ARRDC4: variants seen among roughly 807,000 people sequenced by gnomAD.
The protein encoded by ARRDC4 is arrestin domain containing 4.
In ARRDC4, 40 loss-of-function variants were observed where a neutral mutation model predicts 44.6. The observed-to-expected ratio is 0.90, with a 90% CI of 0.70 to 1.17. ARRDC4 has a LOEUF of 1.17. Ranked by LOEUF, ARRDC4 falls within the 50% of genes most tolerant of loss-of-function variation. The probability of loss-of-function intolerance (pLI) is 0.00; values close to 1 mark genes in which losing one functional copy is unlikely to be tolerated. For missense variants in ARRDC4, 550 were observed against 559.1 expected (o/e 0.98, Z 0.16); for synonymous variants, 211 against 221.2 (o/e 0.95, Z 0.41).
At chr15:97,961,210 G>A (rs764136822) in intron 1 of ARRDC4, 42 bp downstream of exon 1, 13 of 1,360,674 alleles carry the variant, frequency 9.6e-6, no homozygotes, top group Admixed American at 4.0e-5. Flanking sequence ...GCCAGGCTGC[G>A]GGGCCGGGGA....
rs1480867822 is a variant in ARRDC4, at chr15:97,961,069, A to G, written c.208A>G (p.Ser70Gly). 1 of 1,433,108 alleles carries G rather than the reference A, an allele frequency of 7.0e-7. No individual in the cohort carries two copies. Among genetic ancestry groups the G allele is most frequent in the Non-Finnish European group, 9.1e-7 (1 of 1,099,248 alleles). The allele number at this position is 1,433,108 out of a possible 1,614,324, so 88.8% of individuals were successfully genotyped here. ...QGRATAAWGP[S>G]TCPRASASTA... is the part of the protein sequence containing the mutation. Reference sequence around the variant, plus strand: ...GCGCGCCACCGCCGCCTGGGGCCCGAGCACCTGCCCCCGCGCCTCGGCCAG... The same window carrying G: ...GCGCGCCACCGCCGCCTGGGGCCCGGGCACCTGCCCCCGCGCCTCGGCCAG... Residue 70 changes from serine (S) to glycine (G), a missense_variant, in exon 1 of 8, where the codon AGC becomes GGC. Coordinates refer to ENST00000268042, the MANE Select transcript of ARRDC4 (RefSeq NM_183376.3).
Position 97,972,028 on chromosome 15 carries a change from AT to A in ARRDC4, c.*842del, listed in dbSNP as rs1291998126. ...GGAGAGAAAAGGTTGCATCTGCAGG[AT>A]GCCTTGATAACTACACAGTCCCAAA... On this transcript the variant is annotated 3_prime_UTR_variant, in exon 8 of 8. Coordinates refer to ENST00000268042, the MANE Select transcript of ARRDC4 (RefSeq NM_183376.3). This position sits in a 1 kb window ranked among gnomAD's most constrained non-coding sequence, Gnocchi z 5.3. The A allele has an allele frequency of 1.3e-5, 2 of 152,564 alleles. No homozygotes were observed. Among genetic ancestry groups the A allele is most frequent in the Non-Finnish European group, 2.9e-5 (2 of 68,034 alleles). 9.5% of individuals were successfully genotyped at this position (152,564 alleles called of 1,614,324 possible).
In ARRDC4 at chr15:97,961,046, G is replaced by T; in HGVS notation, c.185G>T (p.Arg62Leu). 1 of 1,429,640 alleles carries T rather than the reference G, an allele frequency of 7.0e-7. No individual in the cohort carries two copies. Among genetic ancestry groups the T allele is most frequent in the Non-Finnish European group, 9.1e-7 (1 of 1,096,358 alleles). 88.6% of individuals were successfully genotyped at this position (1,429,640 alleles called of 1,614,324 possible). The change falls in exon 1 of 8, where the codon CGC (arginine) becomes CTC (leucine). Residue 62 changes from arginine to leucine, a missense_variant. Arg to Leu is a moderately radical substitution (Grantham distance 102, BLOSUM62 -2). Transcript: ENST00000268042. ...GCGCTGCGCCTGGAGGCCCAGGGGC[G>T]CGCCACCGCCGCCTGGGGCCCGAGC... ...LRALRLEAQG[R>L]ATAAWGPSTC...
chr15:97,969,511 G>A lies in ARRDC4; in HGVS notation c.882+132G>A. ...CATTAACACCAATTGGGGACTGTAT[G>A]AAGATTGGCCCTTGTTTTTAATAAA... On this transcript the variant is annotated intron_variant, in intron 5 of 7. Transcript: ENST00000268042. 1.9e-6 allele frequency: 2 copies of A among 1,029,624 alleles called. 1 individual carries two copies. The highest frequency in any genetic ancestry group is 3.3e-5 in the South Asian group (2 of 60,532). The allele number at this position is 1,029,624 out of a possible 1,614,324, so 63.8% of individuals were successfully genotyped here. A position where few individuals can be genotyped will look rare whatever the true frequency, so the allele number is the denominator to read the frequency against.
rs770007097 is a variant in ARRDC4 at position 97,968,128 on chromosome 15, G to A, written c.625+12G>A. On this transcript the variant is annotated intron_variant, in intron 4 of 7. Transcript: ENST00000268042. The surrounding 1 kb of genome is among the most constrained non-coding windows in gnomAD (Gnocchi z 5.4). ...GGGATACTGTAATGGTAAGCAAAATGCTTGAAAGTCCAAATGAAAGATTTC... is the reference window on the plus strand; with the variant it reads ...GGGATACTGTAATGGTAAGCAAAATACTTGAAAGTCCAAATGAAAGATTTC... 8 of 1,485,026 alleles carry A rather than the reference G, an allele frequency of 5.4e-6. No individual in the cohort carries two copies. Among genetic ancestry groups the A allele is most frequent in the African/African-American group, 2.9e-5 (2 of 70,132 alleles). 92.0% of individuals were successfully genotyped at this position (1,485,026 alleles called of 1,614,324 possible).
At position 97,968,971 on chromosome 15, in the gene ARRDC4, T is replaced by C; in HGVS notation, c.626-152T>C. On this transcript the variant is annotated intron_variant, in intron 4 of 7. Coordinates refer to ENST00000268042, the MANE Select transcript of ARRDC4 (RefSeq NM_183376.3). The surrounding 1 kb of genome is among the most constrained non-coding windows in gnomAD (Gnocchi z 5.4). Reference sequence around the variant, plus strand: ...ACCACAACCTGCAGTGAATTTTTATTTCTCTGGCTTGAATTTACAATATGT... The same window carrying C: ...ACCACAACCTGCAGTGAATTTTTATCTCTCTGGCTTGAATTTACAATATGT... 1.2e-6 allele frequency: 1 copy of C among 839,612 alleles called. No homozygotes were observed. The highest frequency in any genetic ancestry group is 1.9e-5 in the South Asian group (1 of 52,522). The allele number at this position is 839,612 out of a possible 1,614,324, so 52.0% of individuals were successfully genotyped here.
rs1899395270 is a variant in ARRDC4 at position 97,965,187 on chromosome 15, T to C, written c.308-413T>C. ...AGCTCACCCCTATAAGCTTAGTGCTTTGGGAGTCCAAGGTGGGAGAATCGT... is the reference window on the plus strand; with the variant it reads ...AGCTCACCCCTATAAGCTTAGTGCTCTGGGAGTCCAAGGTGGGAGAATCGT... On this transcript the variant is annotated intron_variant, in intron 1 of 7. Transcript: ENST00000268042. This position sits in a 1 kb window ranked among gnomAD's most constrained non-coding sequence, Gnocchi z 5.1. Among the ~76,000 whole-genome samples, 2 of 152,170 alleles carry C rather than the reference T, an allele frequency of 1.3e-5. No individual in the cohort carries two copies. Among genetic ancestry groups the C allele is most frequent in the South Asian group, 4.1e-4 (2 of 4,828 alleles).
intron 1 of ARRDC4, among the ~76,000 whole-genome samples, chr15:97,964,824 T>A (rs1332732357): frequency 6.6e-6 from 1 of 152,212 alleles, no homozygotes; most frequent in Non-Finnish European, 1.5e-5. Context: ...GTATTAATGA[T>A]ATTCATAAAG....
intron 1 of ARRDC4, among the ~76,000 whole-genome samples, chr15:97,961,704 C>T (rs1421573869): frequency 6.6e-6 from 1 of 152,122 alleles, no homozygotes; most frequent in Non-Finnish European, 1.5e-5. Flanking sequence ...GCTTGGTTTC[C>T]CTCTTCTGGG....
In ARRDC4 at chr15:97,967,841, A is replaced by G. The variant is rs1244326429; in HGVS notation, c.523-173A>G. On this transcript the variant is annotated intron_variant, in intron 3 of 7. Transcript: ENST00000268042. The surrounding 1 kb of genome is among the most constrained non-coding windows in gnomAD (Gnocchi z 5.0). ...GTTTTCCTAAAAGGGGAGTCTTAACACCCTGTGTTTTTGTGCATATTTGGC... is the reference window on the plus strand; with the variant it reads ...GTTTTCCTAAAAGGGGAGTCTTAACGCCCTGTGTTTTTGTGCATATTTGGC... Among the ~76,000 whole-genome samples, 3 of 152,046 alleles carry G rather than the reference A, an allele frequency of 2.0e-5. No individual in the cohort carries two copies. The highest frequency in any genetic ancestry group is 2.9e-5 in the Non-Finnish European group (2 of 68,008).
rs1899432629 is a variant in ARRDC4, at chr15:97,967,236, A to T, written c.523-778A>T. On this transcript the variant is annotated intron_variant, in intron 3 of 7. Coordinates refer to ENST00000268042, the MANE Select transcript of ARRDC4 (RefSeq NM_183376.3). This position sits in a 1 kb window ranked among gnomAD's most constrained non-coding sequence, Gnocchi z 5.0. Reference sequence around the variant, plus strand: ...ATGACCATTGTGGGAATTGATTTAAAGGGATTTGTCTTTGCCAAAAACAGA... The same window carrying T: ...ATGACCATTGTGGGAATTGATTTAATGGGATTTGTCTTTGCCAAAAACAGA... Among the ~76,000 whole-genome samples, 2 of 152,218 alleles carry T rather than the reference A, an allele frequency of 1.3e-5. No homozygotes were observed. Among genetic ancestry groups the T allele is most frequent in the Admixed American group, 6.5e-5 (1 of 15,272 alleles).
chr15:97,961,374 G>A lies in ARRDC4; in HGVS notation c.307+206G>A, dbSNP rs1899316159. 2.0e-5 allele frequency among the ~76,000 whole-genome samples: 3 copies of A among 152,338 alleles called. No individual in the cohort carries two copies. In the South Asian group the frequency reaches 6.2e-4, roughly 32 times the overall value. On this transcript the variant is annotated intron_variant, in intron 1 of 7. Transcript: ENST00000268042. The stretch of plus-strand genomic sequence containing the variant: ...CCTGGCGCCCCGCCCCTGGCCCGCC[G>A]GGCCTGACCGGGACCAGTGGCTCGG...
In ARRDC4 at chr15:97,970,625, AATT is replaced by A. The variant is rs1161134719; in HGVS notation, c.1083_1085del (p.Glu361_Phe362delinsAsp). The A allele has an allele frequency of 6.2e-7, 1 of 1,613,282 alleles. No homozygotes were observed. The highest frequency in any genetic ancestry group is 8.5e-7 in the Non-Finnish European group (1 of 1,179,492). On this transcript the variant is annotated inframe_deletion, in exon 7 of 8. Coordinates refer to ENST00000268042, the MANE Select transcript of ARRDC4 (RefSeq NM_183376.3). This position sits in a 1 kb window ranked among gnomAD's most constrained non-coding sequence, Gnocchi z 4.2. ...TATGCAGATGTGGTATCAGAGGAAG[AATT>A]CTCTAGACACATTCCTCCTTACCCT...
Position 97,971,923 on chromosome 15 carries a change from C to T in ARRDC4, c.*736C>T, listed in dbSNP as rs1264264363. ...GTTTTGTTGAGGGCTGTACTTTTTA[C>T]CCCCTTTAAGTGCTTTAACAGGATA... On this transcript the variant is annotated 3_prime_UTR_variant, in exon 8 of 8. Coordinates refer to ENST00000268042, the MANE Select transcript of ARRDC4 (RefSeq NM_183376.3). 6.6e-6 allele frequency: 1 copy of T among 152,424 alleles called. No homozygotes were observed. Among genetic ancestry groups the T allele is most frequent in the Admixed American group, 6.5e-5 (1 of 15,270 alleles). The allele number at this position is 152,424 out of a possible 1,614,324, so 9.4% of individuals were successfully genotyped here. A position where few individuals can be genotyped will look rare whatever the true frequency, so the allele number is the denominator to read the frequency against.
rs1371269089 is a variant in ARRDC4, at chr15:97,960,885, G to T, written c.24G>T (p.Ala8=). The T allele has an allele frequency of 7.2e-7, 1 of 1,393,292 alleles. No homozygotes were observed. The highest frequency in any genetic ancestry group is 9.4e-7 in the Non-Finnish European group (1 of 1,064,790). 86.3% of individuals were successfully genotyped at this position (1,393,292 alleles called of 1,614,324 possible). A position where few individuals can be genotyped will look rare whatever the true frequency, so the allele number is the denominator to read the frequency against. The change falls in exon 1 of 8, where the codon GCG becomes GCT. Residue 8 remains alanine, a synonymous_variant. Coordinates refer to ENST00000268042, the MANE Select transcript of ARRDC4 (RefSeq NM_183376.3). ...GGATGGGCGGGGAGGCTGGGTGCGCGGCGGCCGTGGGTGCCGAGGGCCGCG... is the reference window on the plus strand; with the variant it reads ...GGATGGGCGGGGAGGCTGGGTGCGCTGCGGCCGTGGGTGCCGAGGGCCGCG... MGGEAGC[A]AAVGAEGRVK...
At position 97,966,083 on chromosome 15, in the gene ARRDC4, T is replaced by C. The variant is rs750134440; in HGVS notation, c.522+41T>C. ...TTCTCTTCCTCCTCCTTTTCCTCCT[T>C]CCCTCCCTTCCTCCTTCCTTTCAAC... On this transcript the variant is annotated intron_variant, in intron 3 of 7. Coordinates refer to ENST00000268042, the MANE Select transcript of ARRDC4 (RefSeq NM_183376.3). This position sits in a 1 kb window ranked among gnomAD's most constrained non-coding sequence, Gnocchi z 4.7. The C allele has an allele frequency of 3.8e-6, 6 of 1,598,812 alleles. No individual in the cohort carries two copies. Among genetic ancestry groups the C allele is most frequent in the Non-Finnish European group, 5.1e-6 (6 of 1,169,874 alleles).
rs1899541736 is a variant in ARRDC4 at position 97,973,042 on chromosome 15, T to G, written c.*1855T>G. The G allele has an allele frequency of 6.6e-6, 1 of 152,258 alleles. No homozygotes were observed. Among genetic ancestry groups the G allele is most frequent in the Non-Finnish European group, 1.5e-5 (1 of 68,018 alleles). The allele number at this position is 152,258 out of a possible 1,614,324, so 9.4% of individuals were successfully genotyped here. A position where few individuals can be genotyped will look rare whatever the true frequency, so the allele number is the denominator to read the frequency against. On this transcript the variant is annotated 3_prime_UTR_variant, in exon 8 of 8. Coordinates refer to ENST00000268042, the MANE Select transcript of ARRDC4 (RefSeq NM_183376.3). ...TAAATTTTGCTTTCGTGTGTGTGTC[T>G]TTAAACAGGTAATGTGTATTTAAGT...
rs142373190 is a variant in ARRDC4 at position 97,968,456 on chromosome 15, G to A, written c.625+340G>A. Among the ~76,000 whole-genome samples the A allele has an allele frequency of 8.5e-5, 13 of 152,296 alleles. No homozygotes were observed. In the East Asian group the frequency reaches 2.5e-3, roughly 29 times the overall value. On this transcript the variant is annotated intron_variant, in intron 4 of 7. Transcript: ENST00000268042. This position sits in a 1 kb window ranked among gnomAD's most constrained non-coding sequence, Gnocchi z 5.4. ...AAAGAGAACTACTGGAGTATGAAAT[G>A]CTATTAGACATTCTGATTCCATGCT...
At position 97,965,441 on chromosome 15, in the gene ARRDC4, C is replaced by A. The variant is rs8031829; in HGVS notation, c.308-159C>A. On this transcript the variant is annotated intron_variant, in intron 1 of 7. Coordinates refer to ENST00000268042, the MANE Select transcript of ARRDC4 (RefSeq NM_183376.3). This position sits in a 1 kb window ranked among gnomAD's most constrained non-coding sequence, Gnocchi z 5.1. Reference sequence around the variant, plus strand: ...AACACATAGACACACGCACACACACCCCCCTTCAAACTTAATTCTCTACAT... The same window carrying A: ...AACACATAGACACACGCACACACACACCCCTTCAAACTTAATTCTCTACAT... Among the ~76,000 whole-genome samples the A allele has an allele frequency of 0.52, 79,116 of 151,102 alleles. 20,947 individuals carry two copies. Among genetic ancestry groups the A allele is most frequent in the East Asian group, 0.71 (3,608 of 5,076 alleles).
Sources: gnomAD v4.1 joint callset for allele counts (sites outside exome capture counted in the v4.1 genomes callset) on GRCh38, gnomAD v4.1.1 for gene constraint, Gnocchi (gnomAD v3.1) non-coding constraint, MANE v1.5 for transcripts, NCBI Gene and HGNC (gene_info 2026-07-23, HGNC 2026-07-21) for gene names.